The following PIK3C2B variants were observed in gnomAD, a reference collection of about 807,000 sequenced individuals.
The protein encoded by PIK3C2B is phosphatidylinositol-4-phosphate 3-kinase catalytic subunit type 2 beta, also known as phosphatidylinositol 4-phosphate 3-kinase C2 domain-containing subunit beta.
PIK3C2B carries 83 observed loss-of-function variants against 184.3 expected under a neutral mutation model. That is an observed-to-expected ratio of 0.45 (90% confidence interval 0.38 to 0.54). The LOEUF (loss-of-function observed/expected upper bound fraction) is 0.54. PIK3C2B is among the 20% of genes least tolerant of loss of function. PIK3C2B has a pLI of 0.00. For synonymous variants in PIK3C2B, 779 were observed against 837.6 expected, an observed-to-expected ratio of 0.93 and a Z score of 1.21; for missense variants, 1,736 against 2,113.5, an observed-to-expected ratio of 0.82 and a Z score of 3.50.
In PIK3C2B at chr1:204,447,600, G is replaced by A. The variant is rs1174378736; in HGVS notation, c.2347-22C>T. On this transcript the variant is annotated intron_variant, in intron 14 of 32. Coordinates refer to ENST00000684373, the MANE Select transcript of PIK3C2B (RefSeq NM_001377334.1). This position sits in a 1 kb window ranked among gnomAD's most constrained non-coding sequence, Gnocchi z 4.1. ...CAATCTGGGGGATGAGATCAGGGAT[G>A]TGAGGAGAGAAAACAGGCAGCGTGT... 1 of 1,589,468 alleles carries A rather than the reference G, an allele frequency of 6.3e-7. No individual in the cohort carries two copies. The highest frequency in any genetic ancestry group is 1.7e-5 in the Admixed American group (1 of 59,828).
At chr1:204,450,225 T>A in intron 12 of PIK3C2B, 1 of 534,568 alleles carries the variant, frequency 1.9e-6, no homozygotes, top group Non-Finnish European at 3.3e-6. Context: ...AGAAGCACAA[T>A]GTGGTGTCCT....
intron 8 of PIK3C2B, among the ~76,000 whole-genome samples, chr1:204,458,788 C>T (rs1392359769): frequency 6.6e-6 from 1 of 152,064 alleles, no homozygotes; most frequent in African/African-American, 2.4e-5. Flanking sequence ...GCCACCGCAC[C>T]TGGCCAAGGC....
intron 1 of PIK3C2B, among the ~76,000 whole-genome samples, chr1:204,473,709 G>T (rs181359479): frequency 7.4e-4 from 112 of 152,314 alleles, no homozygotes; most frequent in Non-Finnish European, 1.2e-3. Context: ...TCAACTTCAA[G>T]CCTCTCTTCC....
intron 23 of PIK3C2B, 146 bp from the exon 24 acceptor site, chr1:204,434,754 C>G: frequency 1.6e-6 from 1 of 611,780 alleles, no homozygotes; most frequent in African/African-American, 1.8e-5. Context: ...CCTGTTCATC[C>G]TTCATCATGT....
At chr1:204,475,982 G>C (rs1318766838) in intron 1 of PIK3C2B, among the ~76,000 whole-genome samples, 3 of 152,130 alleles carry the variant, frequency 2.0e-5, no homozygotes, top group South Asian at 2.1e-4. Flanking sequence ...AGGTGGCAGT[G>C]AGGAAATGGG....
rs1286752443 is a variant in PIK3C2B, at chr1:204,469,385, A to G, written c.418T>C (p.Ser140Pro). ...IFDGSDGGVS[S>P]SPGPGDIEGS... ...TCTATGTCCCCTGGTCCTGGGGACG[A>G]AGAGACTCCCCCATCTGAACCATCA... Residue 140 changes from serine to proline, a missense_variant, in exon 2 of 33, where the codon TCG becomes CCG. Physicochemically the swap from Ser to Pro is moderately conservative, Grantham distance 74. This residue lies in a region of PIK3C2B where 404 missense variants were observed against 418.0 expected (regional missense o/e 0.97). Transcript: ENST00000684373. 1 of 1,533,226 alleles carries G rather than the reference A, an allele frequency of 6.5e-7. No individual in the cohort carries two copies. The highest frequency in any genetic ancestry group is 2.2e-5 in the Admixed American group (1 of 46,010). 95.0% of individuals were successfully genotyped at this position (1,533,226 alleles called of 1,614,324 possible).
At chr1:204,468,162 G>A (rs1430409171) in intron 2 of PIK3C2B, among the ~76,000 whole-genome samples, 1 of 152,242 alleles carries the variant, frequency 6.6e-6, no homozygotes, top group Non-Finnish European at 1.5e-5. Flanking sequence ...ACGACAATGT[G>A]AATGTCGTCA....
chr1:204,433,860 T>A lies in PIK3C2B; in HGVS notation c.3776A>T (p.Asp1259Val), dbSNP rs1460814691. ...GAGGTTGTAGGCTTGGCAGCAAAGG[T>A]CAACAAAATCATGGAAGCGGCTGGA... ...KPSSRFHDFV[D>V]LCCQAYNLIR... The change falls in exon 25 of 33, where the codon GAC (aspartate) becomes GTC (valine). Residue 1259 changes from aspartate to valine, a missense_variant. Asp to Val is a radical substitution (Grantham distance 152). Transcript: ENST00000684373. This position sits in a 1 kb window ranked among gnomAD's most constrained non-coding sequence, Gnocchi z 5.0. The A allele has an allele frequency of 1.2e-6, 2 of 1,613,812 alleles. No individual in the cohort carries two copies. Among genetic ancestry groups the A allele is most frequent in the Non-Finnish European group, 1.7e-6 (2 of 1,179,930 alleles).
chr1:204,442,963 T>C (rs1675752100), intron 19 of PIK3C2B, among the ~76,000 whole-genome samples: 1 of 152,222 alleles, frequency 6.6e-6, no homozygotes, highest in Admixed American at 6.5e-5. Flanking sequence ...TGGACGTTGA[T>C]ACAAAATCTC....
In PIK3C2B at chr1:204,469,060, A is replaced by C. The variant is rs1281641068; in HGVS notation, c.743T>G (p.Met248Arg). ...LNLKSTYDAE[M>R]LRDATRGWKE... The stretch of plus-strand genomic sequence containing the variant: ...CCAGCCCCTGGTGGCATCCCGCAAC[A>C]TCTCCGCATCATAGGTCGATTTCAA... Residue 248 changes from methionine to arginine, a missense_variant, in exon 2 of 33, where the codon ATG (methionine) becomes AGG (arginine). Around this residue, in one of 8 missense-constraint regions of PIK3C2B, gnomAD observed 404 missense variants for 418.0 expected, o/e 0.97. Coordinates refer to ENST00000684373, the MANE Select transcript of PIK3C2B (RefSeq NM_001377334.1). 1 of 1,614,046 alleles carries C rather than the reference A, an allele frequency of 6.2e-7. No homozygotes were observed. Among genetic ancestry groups the C allele is most frequent in the Non-Finnish European group, 8.5e-7 (1 of 1,180,048 alleles).
At chr1:204,437,178 T>A (rs764356441) in intron 23 of PIK3C2B, among the ~76,000 whole-genome samples, 10 of 151,862 alleles carry the variant, frequency 6.6e-5, no homozygotes, top group Non-Finnish European at 1.3e-4. Context: ...ACAGAGGCTT[T>A]GAAGAACTTA....
intron 5 of PIK3C2B, 119 bp downstream of exon 5, chr1:204,463,893 G>A (rs955503816): frequency 2.4e-5 from 24 of 1,003,776 alleles, no homozygotes; most frequent in Admixed American, 9.2e-5. Flanking sequence ...CAGAAAGCAG[G>A]AGTCTTGACT....
At chr1:204,470,414 C>T (rs1222667415) in intron 1 of PIK3C2B, among the ~76,000 whole-genome samples, 6 of 152,174 alleles carry the variant, frequency 3.9e-5, no homozygotes, top group African/African-American at 1.2e-4. Flanking sequence ...GTGATCCACC[C>T]GCCTAGGCCT....
intron 1 of PIK3C2B, among the ~76,000 whole-genome samples, chr1:204,481,268 C>CTTT (rs59090154): frequency 2.9e-4 from 35 of 118,726 alleles, no homozygotes; most frequent in African/African-American, 3.3e-4. Flanking sequence ...AGGTCACATT[C>CTTT]TTTTTTTTTT....
At chr1:204,463,473 C>G (rs913004083) in intron 5 of PIK3C2B, among the ~76,000 whole-genome samples, 1 of 152,122 alleles carries the variant, frequency 6.6e-6, no homozygotes, top group African/African-American at 2.4e-5. Flanking sequence ...AGAGAGGGCA[C>G]TGGATGGAGA....
chr1:204,464,652 G>A (rs1250660202), intron 3 of PIK3C2B, 48 bp from the exon 4 acceptor site: 13 of 1,570,038 alleles, frequency 8.3e-6, no homozygotes, highest in Non-Finnish European at 1.1e-5. Context: ...GAAGAGAGTA[G>A]TCAAGAAGAC....
At position 204,469,256 on chromosome 1, in the gene PIK3C2B, T is replaced by C. The variant is rs760139289; in HGVS notation, c.547A>G (p.Ile183Val). The C allele has an allele frequency of 1.9e-6, 3 of 1,571,758 alleles. No homozygotes were observed. Among genetic ancestry groups the C allele is most frequent in the Non-Finnish European group, 1.7e-6 (2 of 1,156,942 alleles). Residue 183 changes from isoleucine to valine, a missense_variant, in exon 2 of 33, where the codon ATC (isoleucine) becomes GTC (valine). By Grantham distance (29) the Ile-to-Val change is conservative. Coordinates refer to ENST00000684373, the MANE Select transcript of PIK3C2B (RefSeq NM_001377334.1). ...PRKGSPSSSK[I>V]SQPSDINTFS... ...GTGTTGATGTCACTGGGCTGGGAGA[T>C]CTTGGAGGATGAGGGGGACCCCTTT...
rs1190555900 is a variant in PIK3C2B at position 204,428,133 on chromosome 1, C to T, written c.4480+6G>A. 1.3e-6 allele frequency: 2 copies of T among 1,573,358 alleles called. No individual in the cohort carries two copies. The highest frequency in any genetic ancestry group is 2.7e-5 in the African/African-American group (2 of 74,148). On this transcript the variant is annotated splice_donor_region_variant and intron_variant, in intron 30 of 32. Transcript: ENST00000684373. The stretch of plus-strand genomic sequence containing the variant: ...TGGCAGTAAGGTCTCAGAGAAGATA[C>T]TGTACCTGAGGACTTAGGAGCTGGG...
intron 1 of PIK3C2B, among the ~76,000 whole-genome samples, chr1:204,480,472 C>T (rs1460545816): frequency 6.6e-6 from 1 of 152,122 alleles, no homozygotes. Flanking sequence ...TGGGAATACT[C>T]AGAAACACTC....
Sources: gnomAD v4.1 joint callset for allele counts (sites outside exome capture counted in the v4.1 genomes callset) on GRCh38, gnomAD v4.1.1 for gene constraint, gnomAD v4.1.1 regional missense constraint, Gnocchi (gnomAD v3.1) non-coding constraint, MANE v1.5 for transcripts, NCBI Gene and HGNC (gene_info 2026-07-23, HGNC 2026-07-21) for gene names.